ZDHHC14: variants seen among roughly 807,000 people sequenced by gnomAD.
ZDHHC14 encodes zDHHC palmitoyltransferase 14.
A neutral mutation model predicts 47.7 loss-of-function variants in ZDHHC14; 16 were observed. That is an observed-to-expected ratio of 0.34 (90% confidence interval 0.23 to 0.51). The LOEUF is 0.51. Ranked by LOEUF, ZDHHC14 falls within the 20% of genes least tolerant of loss-of-function variation. ZDHHC14 has a pLI of 0.97. For synonymous variants in ZDHHC14, 293 were observed against 278.9 expected (o/e 1.05, Z -0.50); for missense variants, 515 against 662.5 (o/e 0.78, Z 2.44).
At chr6:157,436,625 T>C (rs1778445566) in intron 1 of ZDHHC14, among the ~76,000 whole-genome samples, 1 of 151,742 alleles carries the variant, frequency 6.6e-6, no homozygotes, top group Admixed American at 6.6e-5. Flanking sequence ...AATGTGATGA[T>C]GGGCACAGGC....
At chr6:157,449,602 C>T (rs912165206) in intron 1 of ZDHHC14, among the ~76,000 whole-genome samples, 29 of 152,316 alleles carry the variant, frequency 1.9e-4, no homozygotes, top group Admixed American at 7.8e-4. Flanking sequence ...TTTGCCTTTT[C>T]CAGAATTTCA....
intron 1 of ZDHHC14, among the ~76,000 whole-genome samples, chr6:157,542,264 CG>C (rs1166734426): frequency 2.0e-5 from 3 of 152,170 alleles, no homozygotes; most frequent in Non-Finnish European, 4.4e-5. Flanking sequence ...ACAGAGGACA[CG>C]TGTCTATTTA....
At chr6:157,625,648 G>A (rs1266674581) in intron 3 of ZDHHC14, among the ~76,000 whole-genome samples, 2 of 152,020 alleles carry the variant, frequency 1.3e-5, no homozygotes, top group Non-Finnish European at 2.9e-5. Flanking sequence ...TGAGAACTCC[G>A]GCCTGAGGAC....
intron 5 of ZDHHC14, among the ~76,000 whole-genome samples, chr6:157,641,666 T>C (rs1297371958): frequency 1.3e-5 from 2 of 152,236 alleles, no homozygotes; most frequent in Non-Finnish European, 2.9e-5. Context: ...CTTTACTTTT[T>C]TACACGGAAG....
intron 1 of ZDHHC14, among the ~76,000 whole-genome samples, chr6:157,399,100 G>A (rs1362087023): frequency 1.3e-5 from 2 of 152,246 alleles, no homozygotes; most frequent in Non-Finnish European, 2.9e-5. Context: ...GCAGCAGTTA[G>A]CGGGGTGGAT....
chr6:157,639,140 G>A (rs1408492641), intron 5 of ZDHHC14, among the ~76,000 whole-genome samples: 6 of 152,224 alleles, frequency 3.9e-5, no homozygotes, highest in South Asian at 2.1e-4. Context: ...CCAAGTGTGC[G>A]ACAGAAAACT....
rs371721798 is a variant in ZDHHC14 at position 157,489,486 on chromosome 6, C to T, written c.246-53099C>T. On this transcript the variant is annotated intron_variant, in intron 1 of 8. Transcript: ENST00000359775. ...TTGTTTTTATTGAATGTTTAAAAAA[C>T]GTTGTTCTCATTTCTTAGAAGTTTT... is the stretch of plus-strand genomic sequence containing the variant. Among the ~76,000 whole-genome samples the T allele has an allele frequency of 1.9e-4, 29 of 150,382 alleles. No homozygotes were observed. In the East Asian group the frequency reaches 4.7e-3, roughly 24 times the overall value.
chr6:157,637,774 A>T (rs1777056300), intron 5 of ZDHHC14, among the ~76,000 whole-genome samples: 1 of 152,224 alleles, frequency 6.6e-6, no homozygotes, highest in South Asian at 2.1e-4. Flanking sequence ...AAATATTTTG[A>T]CGAGAAATAA....
chr6:157,398,224 G>C (rs12194878), intron 1 of ZDHHC14, among the ~76,000 whole-genome samples: 2,553 of 152,318 alleles, frequency 0.017, 25 homozygotes, highest in African/African-American at 0.021. Context: ...CCAAGACTGA[G>C]GTACTGCTAG....
At chr6:157,456,327 C>T (rs1258110855) in intron 1 of ZDHHC14, among the ~76,000 whole-genome samples, 2 of 152,138 alleles carry the variant, frequency 1.3e-5, no homozygotes, top group African/African-American at 2.4e-5. Flanking sequence ...TCAGGCAGCT[C>T]GTGATCCACT....
intron 3 of ZDHHC14, among the ~76,000 whole-genome samples, chr6:157,606,515 C>T (rs886106667): frequency 1.3e-5 from 2 of 152,140 alleles, no homozygotes; most frequent in African/African-American, 4.8e-5. Context: ...ATGAGGTGAG[C>T]TGCATGCTTG....
At chr6:157,560,367 C>A (rs532257860) in intron 2 of ZDHHC14, among the ~76,000 whole-genome samples, 2 of 152,248 alleles carry the variant, frequency 1.3e-5, no homozygotes, top group East Asian at 3.8e-4. Context: ...ACCACGTCCT[C>A]GTGAATCACC....
At chr6:157,451,814 C>A (rs918848326) in intron 1 of ZDHHC14, among the ~76,000 whole-genome samples, 1 of 152,198 alleles carries the variant, frequency 6.6e-6, no homozygotes, top group East Asian at 1.9e-4. Context: ...CCCACCTCAG[C>A]CTCCCAAAGT....
intron 2 of ZDHHC14, among the ~76,000 whole-genome samples, chr6:157,565,764 A>T (rs1355403329): frequency 6.6e-6 from 1 of 150,976 alleles, no homozygotes; most frequent in Non-Finnish European, 1.5e-5. Flanking sequence ...GTGAGCTGAG[A>T]TTGCACCACT....
intron 1 of ZDHHC14, among the ~76,000 whole-genome samples, chr6:157,393,182 T>C (rs1223527880): frequency 6.6e-6 from 1 of 152,166 alleles, no homozygotes; most frequent in Admixed American, 6.5e-5. Context: ...CCCAGCCTAT[T>C]TTAGAACAAC....
chr6:157,563,662 T>C (rs9456493), intron 2 of ZDHHC14, among the ~76,000 whole-genome samples: 94,030 of 152,088 alleles, frequency 0.62, 30,302 homozygotes, highest in African/African-American at 0.82. Flanking sequence ...AGCAGGGGCA[T>C]GCGGTGGGCA....
intron 4 of ZDHHC14, chr6:157,630,048 C>G (rs1047525159): frequency 6.6e-6 from 1 of 152,138 alleles, no homozygotes; most frequent in African/African-American, 2.4e-5. Flanking sequence ...AGTGCAGTGG[C>G]GGGATCTCGG....
chr6:157,449,086 G>T (rs1257693639), intron 1 of ZDHHC14, among the ~76,000 whole-genome samples: 2 of 152,206 alleles, frequency 1.3e-5, no homozygotes, highest in East Asian at 3.8e-4. Flanking sequence ...GCCCACCTCA[G>T]GCACCCAGGA....
intron 2 of ZDHHC14, among the ~76,000 whole-genome samples, chr6:157,570,686 C>T (rs1232492998): frequency 6.6e-6 from 1 of 152,012 alleles, no homozygotes; most frequent in African/African-American, 2.4e-5. Context: ...AAAAAGGTCG[C>T]AGCTACTAAA....
Sources: allele counts gnomAD v4.1 joint callset (sites outside exome capture counted in the v4.1 genomes callset), GRCh38; gene constraint gnomAD v4.1.1; transcripts MANE v1.5; gene names NCBI Gene and HGNC (gene_info 2026-07-23, HGNC 2026-07-21).